The following AK8 variants were observed in gnomAD, a reference collection of about 807,000 sequenced individuals.
AK8 encodes the protein adenylate kinase 8, also known as ATP-AMP transphosphorylase 8.
AK8 carries 44 observed loss-of-function variants against 54.6 expected under a neutral mutation model. That is an observed-to-expected ratio of 0.81 (90% CI 0.63 to 1.04). AK8 has a LOEUF of 1.04. Among genes scored for constraint, AK8 ranks in the 50% least tolerant of loss-of-function variants. AK8 has a pLI of 0.00. For missense variants in AK8, 555 were observed against 613.6 expected, an observed-to-expected ratio of 0.90 and a Z score of 1.01; for synonymous variants, 239 against 245.6, an observed-to-expected ratio of 0.97 and a Z score of 0.25.
chr9:132,792,484 G>T, intron 11 of AK8, 150 bp downstream of exon 11: 1 of 1,176,002 alleles, frequency 8.5e-7, no homozygotes, highest in Non-Finnish European at 1.1e-6. Context: ...CCACCGGGCA[G>T]ATGGGATGGG....
At chr9:132,786,533 G>A (rs1839714164) in intron 11 of AK8, among the ~76,000 whole-genome samples, 1 of 152,146 alleles carries the variant, frequency 6.6e-6, no homozygotes, top group Non-Finnish European at 1.5e-5. Context: ...GACTGCATGA[G>A]TCCTCTCTGG....
chr9:132,750,673 G>A (rs562407699), intron 11 of AK8, among the ~76,000 whole-genome samples: 5 of 152,050 alleles, frequency 3.3e-5, no homozygotes, highest in South Asian at 4.2e-4. Context: ...GACTCCATCC[G>A]GTGAATCCCA....
In AK8 at chr9:132,828,713, T is replaced by C. The variant is rs756589539; in HGVS notation, c.416A>G (p.Asp139Gly). ...EDCIKQGWIL[D>G]GIPETREQAL... ...CTGCTCACGCGTCTCAGGGATGCCA[T>C]CCAGAATCCAGCCCTAGACAGAAGA... The change falls in exon 6 of 13, where the codon GAT becomes GGT. Residue 139 changes from aspartate to glycine, a missense_variant. Physicochemically the swap from Asp to Gly is moderately conservative, Grantham distance 94. Transcript: ENST00000298545. 6.8e-6 allele frequency: 11 copies of C among 1,611,682 alleles called. No individual in the cohort carries two copies. Among genetic ancestry groups the C allele is most frequent in the Middle Eastern group, 3.3e-4 (2 of 6,082 alleles).
chr9:132,726,598 T>C (rs906387545), intron 12 of AK8, among the ~76,000 whole-genome samples: 1 of 152,144 alleles, frequency 6.6e-6, no homozygotes, highest in Non-Finnish European at 1.5e-5. Context: ...TTCCATTCAA[T>C]GTTTATCTGC....
rs564290024 is a variant in AK8, at chr9:132,755,890, C to T, written c.1122-28356G>A. Among the ~76,000 whole-genome samples the T allele has an allele frequency of 2.0e-5, 3 of 152,272 alleles. No individual in the cohort carries two copies. The East Asian group carries it at 5.8e-4, about 29-fold the overall frequency. Reference sequence around the variant, plus strand: ...TCAAGTGATTCTCCTGCCTCAGCCTCCCCAGTAGCTGGGATCACAGGCATG... The same window carrying T: ...TCAAGTGATTCTCCTGCCTCAGCCTTCCCAGTAGCTGGGATCACAGGCATG... On this transcript the variant is annotated intron_variant, in intron 11 of 12. Coordinates refer to ENST00000298545, the MANE Select transcript of AK8 (RefSeq NM_152572.3).
At position 132,781,401 on chromosome 9, in the gene AK8, T is replaced by C. The variant is rs978934207; in HGVS notation, c.1121+11233A>G. The stretch of plus-strand genomic sequence containing the variant: ...CAGACAAAACATTGCATTTGAACAC[T>C]ACCCATTTATTAGCTCTAAGAAGAG... On this transcript the variant is annotated intron_variant, in intron 11 of 12. Coordinates refer to ENST00000298545, the MANE Select transcript of AK8 (RefSeq NM_152572.3). This position sits in a 1 kb window ranked among gnomAD's most constrained non-coding sequence, Gnocchi z 4.6. 3.9e-5 allele frequency among the ~76,000 whole-genome samples: 6 copies of C among 152,172 alleles called. No homozygotes were observed. The highest frequency in any genetic ancestry group is 8.8e-5 in the Non-Finnish European group (6 of 68,026).
At chr9:132,729,683 A>G (rs532480943) in intron 11 of AK8, among the ~76,000 whole-genome samples, 1 of 152,158 alleles carries the variant, frequency 6.6e-6, no homozygotes, top group Non-Finnish European at 1.5e-5. Flanking sequence ...TAGGCACTAA[A>G]TTTAAGAGTC....
intron 11 of AK8, among the ~76,000 whole-genome samples, chr9:132,744,266 G>A (rs1407240898): frequency 1.3e-5 from 2 of 152,230 alleles, no homozygotes; most frequent in Non-Finnish European, 2.9e-5. Context: ...ATCCACCACC[G>A]TGGTTGTTAA....
rs1210293622 is a variant in AK8, at chr9:132,820,170, GGGAA to G, written c.889+3031_889+3034del. 4.5e-3 allele frequency among the ~76,000 whole-genome samples: 617 copies of G among 138,438 alleles called. 2 individuals are homozygous for G. The highest frequency in any genetic ancestry group is 0.015 in the African/African-American group (544 of 36,446). 90.8% of individuals were successfully genotyped at this position (138,438 alleles called of 152,430 possible). ...AAAAAAAAAAAAAAAAAAAGACAAAGGGAAGGAAGGAAGGAAGGAAGGAAAGAAT... is the reference window on the plus strand; with the variant it reads ...AAAAAAAAAAAAAAAAAAAGACAAAGGGAAGGAAGGAAGGAAGGAAAGAAT... On this transcript the variant is annotated intron_variant, in intron 9 of 12. Coordinates refer to ENST00000298545, the MANE Select transcript of AK8 (RefSeq NM_152572.3).
chr9:132,873,705 G>A (rs1299277139), intron 2 of AK8, among the ~76,000 whole-genome samples: 1 of 150,130 alleles, frequency 6.7e-6, no homozygotes, highest in Non-Finnish European at 1.5e-5. Flanking sequence ...CAGCACTCAA[G>A]CTCCCAGCAC....
intron 9 of AK8, among the ~76,000 whole-genome samples, chr9:132,816,804 T>C (rs1444775140): frequency 3.9e-5 from 6 of 152,114 alleles, no homozygotes; most frequent in African/African-American, 9.7e-5. Flanking sequence ...TCTCAAATCA[T>C]GGCACAGGAG....
intron 11 of AK8, among the ~76,000 whole-genome samples, chr9:132,733,503 C>T (rs1315823720): frequency 6.6e-6 from 1 of 152,368 alleles, no homozygotes; most frequent in Middle Eastern, 3.4e-3. Flanking sequence ...GACTGCTTGT[C>T]GTCATTCAAG....
intron 10 of AK8, among the ~76,000 whole-genome samples, chr9:132,794,159 C>A (rs532238006): frequency 6.6e-6 from 1 of 152,308 alleles, no homozygotes; most frequent in Non-Finnish European, 1.5e-5. Flanking sequence ...GCCTTTCTTC[C>A]CCAGTCCCTA....
chr9:132,878,489 G>C, upstream of AK8: 3 of 1,209,070 alleles, frequency 2.5e-6, no homozygotes, highest in Non-Finnish European at 3.1e-6. The surrounding 1 kb of genome is among the most constrained non-coding windows in gnomAD (Gnocchi z 4.7). Context: ...GCATCTTAGC[G>C]GGGGACACCC....
chr9:132,801,872 A>G (rs767735575), intron 10 of AK8, among the ~76,000 whole-genome samples: 7 of 152,232 alleles, frequency 4.6e-5, no homozygotes, highest in Non-Finnish European at 1.0e-4. Context: ...AGAGGAAGTG[A>G]CTTGCCCATG....
chr9:132,873,947 G>A (rs1235674743), intron 2 of AK8, among the ~76,000 whole-genome samples: 3 of 152,176 alleles, frequency 2.0e-5, no homozygotes, highest in African/African-American at 7.2e-5. Flanking sequence ...TCTAAGAGTC[G>A]CTGCAGGGCA....
chr9:132,830,237 CCA>C (rs1380164787), intron 5 of AK8, among the ~76,000 whole-genome samples: 2 of 152,192 alleles, frequency 1.3e-5, no homozygotes, highest in Non-Finnish European at 2.9e-5. Context: ...CAGTTTGACT[CCA>C]GTTTTCCACC....
At chr9:132,821,564 T>A (rs188216555) in intron 9 of AK8, among the ~76,000 whole-genome samples, 109 of 152,222 alleles carry the variant, frequency 7.2e-4, no homozygotes, top group Admixed American at 7.1e-3. Context: ...TTTAGGTGTG[T>A]GACTTTTGTC....
At chr9:132,850,076 C>T (rs1842911906) in intron 5 of AK8, among the ~76,000 whole-genome samples, 1 of 126,060 alleles carries the variant, frequency 7.9e-6, no homozygotes, top group Admixed American at 8.7e-5. Flanking sequence ...TTTTTTGAGA[C>T]AGGGTCTCAC....
Sources: allele counts gnomAD v4.1 joint callset (sites outside exome capture counted in the v4.1 genomes callset), GRCh38; gene constraint gnomAD v4.1.1; non-coding constraint Gnocchi (gnomAD v3.1); transcripts MANE v1.5; gene names NCBI Gene and HGNC (gene_info 2026-07-23, HGNC 2026-07-21).